Variants in PTPRM observed in about 807,000 individuals in gnomAD.
PTPRM encodes the protein protein tyrosine phosphatase receptor type M.
In PTPRM, 47 loss-of-function variants were observed where a neutral mutation model predicts 186.7. The ratio of observed to expected loss-of-function variants is 0.25; its 90% CI spans 0.20 to 0.32. The LOEUF (loss-of-function observed/expected upper bound fraction) is 0.32. Among genes scored for constraint, PTPRM ranks in the 10% least tolerant of loss-of-function variants. The pLI is 1.00. For synonymous variants in PTPRM, 668 were observed against 674.9 expected (o/e 0.99, Z 0.16); for missense variants, 1,494 against 1,865.0 (o/e 0.80, Z 3.66).
intron 4 of PTPRM, among the ~76,000 whole-genome samples, chr18:7,923,859 T>C (rs151258782): frequency 1.3e-5 from 2 of 152,362 alleles, no homozygotes; most frequent in African/African-American, 2.4e-5. Context: ...TAAAATAATC[T>C]GTATACCAAC....
At chr18:8,396,109 G>A (rs746835255) in intron 32 of PTPRM, among the ~76,000 whole-genome samples, 3 of 152,178 alleles carry the variant, frequency 2.0e-5, no homozygotes, top group African/African-American at 4.8e-5. Context: ...CACTAGGACC[G>A]TCTCCCTCCC....
chr18:8,250,188 A>T (rs1387154523), intron 17 of PTPRM, among the ~76,000 whole-genome samples: 1 of 151,796 alleles, frequency 6.6e-6, no homozygotes, highest in Non-Finnish European at 1.5e-5. Context: ...ATAGAGCTGG[A>T]GTATATCTTT....
chr18:7,925,083 C>G (rs537140733), intron 4 of PTPRM, among the ~76,000 whole-genome samples: 1 of 152,240 alleles, frequency 6.6e-6, no homozygotes, highest in South Asian at 2.1e-4. Context: ...TAAAGGTTAC[C>G]TTGTTCCATT....
chr18:8,342,116 G>GAGGA (rs1470617676), intron 22 of PTPRM, among the ~76,000 whole-genome samples: 4 of 152,342 alleles, frequency 2.6e-5, no homozygotes. Flanking sequence ...CCTGGACAGG[G>GAGGA]AGGAAGGAGA....
intron 22 of PTPRM, among the ~76,000 whole-genome samples, chr18:8,323,753 C>T (rs891335954): frequency 2.0e-5 from 3 of 152,086 alleles, no homozygotes; most frequent in Admixed American, 6.5e-5. Context: ...CCCCCATGCC[C>T]ACGTGAGAAC....
chr18:8,302,491 G>T (rs1404224563), intron 20 of PTPRM, among the ~76,000 whole-genome samples: 4 of 151,976 alleles, frequency 2.6e-5, no homozygotes, highest in Admixed American at 6.6e-5. Flanking sequence ...TCATTAAAGG[G>T]GTTGGGGGGG....
chr18:8,296,330 G>T, intron 19 of PTPRM, 38 bp from the exon 20 acceptor site: 1 of 1,366,998 alleles, frequency 7.3e-7, no homozygotes, highest in African/African-American at 1.4e-5. Context: ...TCTGTTTACT[G>T]CGCCAAATTG....
intron 1 of PTPRM, among the ~76,000 whole-genome samples, chr18:7,571,153 G>C (rs1328027425): frequency 1.3e-5 from 2 of 152,058 alleles, no homozygotes; most frequent in African/African-American, 2.4e-5. Flanking sequence ...TGTTGGCCAG[G>C]ATGGTCTCAA....
chr18:7,617,783 T>A (rs1180667020), intron 1 of PTPRM, among the ~76,000 whole-genome samples: 1 of 152,190 alleles, frequency 6.6e-6, no homozygotes, highest in Non-Finnish European at 1.5e-5. Flanking sequence ...CTTGAGTTAA[T>A]CTGGGGGAAT....
At chr18:8,081,591 A>T (rs2090132256) in intron 9 of PTPRM, among the ~76,000 whole-genome samples, 1 of 152,168 alleles carries the variant, frequency 6.6e-6, no homozygotes, top group Non-Finnish European at 1.5e-5. Context: ...GCATGGGAGT[A>T]TATTTTGGTG....
At chr18:8,215,545 C>CTTTTTTTTTTTT (rs11334182) in intron 14 of PTPRM, among the ~76,000 whole-genome samples, 13 of 116,312 alleles carry the variant, frequency 1.1e-4, no homozygotes, top group Non-Finnish European at 1.8e-4. Context: ...TCTTTCTTTT[C>CTTTTTTTTTTTT]TTTTTTTTTT....
intron 13 of PTPRM, among the ~76,000 whole-genome samples, chr18:8,126,682 C>T (rs1320720358): frequency 6.6e-6 from 1 of 152,100 alleles, no homozygotes; most frequent in Non-Finnish European, 1.5e-5. Context: ...CTTCTGGGGA[C>T]CCAAGGTTCT....
At chr18:8,245,378 C>T (rs1474775147) in intron 15 of PTPRM, among the ~76,000 whole-genome samples, 1 of 152,142 alleles carries the variant, frequency 6.6e-6, no homozygotes, top group Non-Finnish European at 1.5e-5. Context: ...GCTGCTTTGG[C>T]ACCAATGGGC....
At chr18:7,718,056 A>G (rs1324100481) in intron 1 of PTPRM, among the ~76,000 whole-genome samples, 1 of 150,862 alleles carries the variant, frequency 6.6e-6, no homozygotes, top group Non-Finnish European at 1.5e-5. Context: ...CAGAAGTTAG[A>G]AAAAAAAAAT....
At chr18:8,386,954 GT>G in intron 30 of PTPRM, 117 bp from the exon 31 acceptor site, 1 of 1,082,810 alleles carries the variant, frequency 9.2e-7, no homozygotes, top group East Asian at 2.4e-5. Context: ...TTGGTAATTT[GT>G]AGGCAGGACT....
chr18:7,819,902 G>T (rs2045088205), intron 2 of PTPRM, among the ~76,000 whole-genome samples: 1 of 152,196 alleles, frequency 6.6e-6, no homozygotes, highest in South Asian at 2.1e-4. Context: ...AGGGGAAGGG[G>T]CCTGGAGCGG....
chr18:8,235,882 C>T (rs2094340248), intron 14 of PTPRM, among the ~76,000 whole-genome samples: 3 of 151,928 alleles, frequency 2.0e-5, no homozygotes, highest in Admixed American at 2.0e-4. Flanking sequence ...GGGATTTTTC[C>T]AGCCATTTTC....
chr18:8,338,308 T>A (rs1175380138), intron 22 of PTPRM, among the ~76,000 whole-genome samples: 1 of 149,180 alleles, frequency 6.7e-6, no homozygotes, highest in South Asian at 2.1e-4. Flanking sequence ...TGGAAAAAAA[T>A]TAAAAAAAAT....
At chr18:7,951,858 T>A (rs1366780351) in intron 6 of PTPRM, among the ~76,000 whole-genome samples, 1 of 152,228 alleles carries the variant, frequency 6.6e-6, no homozygotes, top group Non-Finnish European at 1.5e-5. Flanking sequence ...AACACTTTTT[T>A]ATATACCATA....
Sources: allele counts gnomAD v4.1 joint callset (sites outside exome capture counted in the v4.1 genomes callset), GRCh38; gene constraint gnomAD v4.1.1; transcripts MANE v1.5; gene names NCBI Gene and HGNC (gene_info 2026-07-23, HGNC 2026-07-21).